Variants in CNOT1 observed in about 807,000 individuals in gnomAD.
The protein encoded by CNOT1 is CCR4-NOT transcription complex subunit 1, also known as CCR4-associated factor 1.
CNOT1 carries 15 observed loss-of-function variants against 273.8 expected under a neutral mutation model. The observed-to-expected ratio is 0.05, with a 90% CI of 0.04 to 0.08. The LOEUF is 0.08. Among genes scored for constraint, CNOT1 ranks in the 10% least tolerant of loss-of-function variants. The probability of loss-of-function intolerance (pLI) is 1.00; values close to 1 mark genes in which losing one functional copy is unlikely to be tolerated. For missense variants in CNOT1, 1,644 were observed against 2,912.2 expected (o/e 0.56, Z 10.02); for synonymous variants, 1,022 against 1,005.5 (o/e 1.02, Z -0.31).
At chr16:58,592,154 A>G (rs1393561974) in intron 2 of CNOT1, among the ~76,000 whole-genome samples, 1 of 152,194 alleles carries the variant, frequency 6.6e-6, no homozygotes, top group Admixed American at 6.5e-5. Flanking sequence ...TTTAAGCAAA[A>G]AAGTGTAGGG....
intron 6 of CNOT1, 124 bp downstream of exon 6, chr16:58,587,077 A>T (rs1258079843): frequency 1.5e-6 from 2 of 1,328,966 alleles, no homozygotes; most frequent in Non-Finnish European, 2.0e-6. Context: ...GTTTTTTACC[A>T]CAGATAAAGA....
At chr16:58,544,672 C>G (rs895352814) in intron 30 of CNOT1, among the ~76,000 whole-genome samples, 1 of 152,134 alleles carries the variant, frequency 6.6e-6, no homozygotes, top group Non-Finnish European at 1.5e-5. Context: ...ATTAATGTTA[C>G]TCTTGTATTT....
chr16:58,555,767 T>A lies in CNOT1; in HGVS notation c.2604+17A>T. 1.2e-6 allele frequency: 2 copies of A among 1,613,040 alleles called. No individual in the cohort carries two copies. Among genetic ancestry groups the A allele is most frequent in the Non-Finnish European group, 1.7e-6 (2 of 1,179,856 alleles). ...CTGGCCTAAACAATAAATAAGTAGA[T>A]CATCCTAGACACTCACCTCATCAAC... On this transcript the variant is annotated intron_variant, in intron 20 of 48. Coordinates refer to ENST00000317147, the MANE Select transcript of CNOT1 (RefSeq NM_016284.5).
chr16:58,533,749 T>C (rs1184389156), intron 40 of CNOT1, among the ~76,000 whole-genome samples: 2 of 152,216 alleles, frequency 1.3e-5, no homozygotes, highest in African/African-American at 4.8e-5. Flanking sequence ...GGTGTGAACC[T>C]AGGAGGCGGA....
chr16:58,590,656 T>A lies in CNOT1; in HGVS notation c.103-1750A>T, dbSNP rs150802298. Among the ~76,000 whole-genome samples the A allele has an allele frequency of 2.6e-5, 4 of 151,880 alleles. No homozygotes were observed. In the East Asian group the frequency reaches 7.7e-4, roughly 29 times the overall value. ...GGCTTACACCTGTAATCCAAACACCTTGGGAGGCTGAGGCAGGAGGATCAC... is the reference window on the plus strand; with the variant it reads ...GGCTTACACCTGTAATCCAAACACCATGGGAGGCTGAGGCAGGAGGATCAC... On this transcript the variant is annotated intron_variant, in intron 2 of 48. Transcript: ENST00000317147.
chr16:58,542,674 C>A, intron 31 of CNOT1, 106 bp from the exon 32 acceptor site: 1 of 1,470,272 alleles, frequency 6.8e-7, no homozygotes, highest in South Asian at 1.4e-5. Flanking sequence ...TTGGCAAATG[C>A]ATTTTAAGTT....
chr16:58,526,025 T>A lies in CNOT1; in HGVS notation c.6567A>T (p.Pro2189=). 1.2e-6 allele frequency: 2 copies of A among 1,614,136 alleles called. No individual in the cohort carries two copies. Among genetic ancestry groups the A allele is most frequent in the Non-Finnish European group, 1.7e-6 (2 of 1,180,002 alleles). The change falls in exon 45 of 49, where the codon CCA becomes CCT. Residue 2189 remains proline (P), a synonymous_variant. Transcript: ENST00000317147. The part of the protein sequence containing the change: ...DLDSYLKTRS[P]VTFLSDLRSN... ...TGCGCAGATCAGACAGGAAAGTGAC[T>A]GGTGATCGAGTTTTAAGATAGGAAT...
chr16:58,562,103 G>A (rs1255684274), intron 16 of CNOT1, among the ~76,000 whole-genome samples: 2 of 151,954 alleles, frequency 1.3e-5, no homozygotes, highest in African/African-American at 4.8e-5. Context: ...AGGAGGCTGA[G>A]GCAGGAGAAT....
rs1483951307 is a variant in CNOT1 at position 58,520,485 on chromosome 16, T to G, written c.*473A>C. 6.2e-6 allele frequency: 1 copy of G among 160,872 alleles called. No individual in the cohort carries two copies. The highest frequency in any genetic ancestry group is 1.4e-5 in the Non-Finnish European group (1 of 72,312). 10.0% of individuals were successfully genotyped at this position (160,872 alleles called of 1,614,324 possible). ...CCACATTTTTAATAACTTAGTGATT[T>G]TCAAGGTCCCCTGTCCACATTAAAA... On this transcript the variant is annotated 3_prime_UTR_variant, in exon 49 of 49. Transcript: ENST00000317147.
At position 58,611,833 on chromosome 16, in the gene CNOT1, A is replaced by G. The variant is rs1016694276; in HGVS notation, c.-174-12322T>C. ...GAGACTCTGTCTCAAAAAAAAAAAA[A>G]AAAGAAATATTTAAGAAAAGGATAC... On this transcript the variant is annotated intron_variant, in intron 1 of 48. Coordinates refer to ENST00000317147, the MANE Select transcript of CNOT1 (RefSeq NM_016284.5). Among the ~76,000 whole-genome samples, 354 of 150,710 alleles carry G rather than the reference A, an allele frequency of 2.3e-3. 1 individual carries two copies. Among genetic ancestry groups the G allele is most frequent in the South Asian group, 8.7e-3 (41 of 4,698 alleles).
At chr16:58,590,058 G>A (rs2042002555) in intron 2 of CNOT1, among the ~76,000 whole-genome samples, 1 of 152,138 alleles carries the variant, frequency 6.6e-6, no homozygotes, top group Non-Finnish European at 1.5e-5. Context: ...GTATAGCTGT[G>A]TTCACTTCTG....
intron 4 of CNOT1, 28 bp from the exon 5 acceptor site, chr16:58,587,441 A>G (rs1319009933): frequency 1.2e-6 from 2 of 1,610,638 alleles, no homozygotes; most frequent in Non-Finnish European, 1.7e-6. Flanking sequence ...TTAGTTTAAA[A>G]TAAGAACTTA....
At chr16:58,521,087 A>G in intron 48 of CNOT1, 51 bp from the exon 49 acceptor site, 1 of 1,613,648 alleles carries the variant, frequency 6.2e-7, no homozygotes, top group Non-Finnish European at 8.5e-7. Context: ...AGGCCTAACA[A>G]TACCTTGCAT....
At position 58,560,329 on chromosome 16, in the gene CNOT1, G is replaced by A. The variant is rs1481833731; in HGVS notation, c.2013C>T (p.Leu671=). ...CATTACTGCAATTGGCTACCATGGT[G>A]AGGATAGTTTCTGATAGCTCCTGAG... ...SVSQELSETI[L]TMVANCSNVM... Residue 671 remains leucine (L), a synonymous_variant, in exon 17 of 49, where the codon CTC becomes CTT. Transcript: ENST00000317147. 1 of 1,614,162 alleles carries A rather than the reference G, an allele frequency of 6.2e-7. No homozygotes were observed. Among genetic ancestry groups the A allele is most frequent in the East Asian group, 2.2e-5 (1 of 44,882 alleles).
intron 1 of CNOT1, among the ~76,000 whole-genome samples, chr16:58,610,194 A>G (rs182344457): frequency 5.3e-5 from 8 of 152,300 alleles, no homozygotes; most frequent in African/African-American, 1.9e-4. Flanking sequence ...GAGGTGGGTG[A>G]ATCACTTGAA....
At chr16:58,628,336 T>C (rs753967350) in intron 1 of CNOT1, among the ~76,000 whole-genome samples, 1 of 152,192 alleles carries the variant, frequency 6.6e-6, no homozygotes, top group Non-Finnish European at 1.5e-5. Context: ...TTACCACATG[T>C]CTTCTTAATA....
intron 19 of CNOT1, among the ~76,000 whole-genome samples, chr16:58,556,187 T>TAA (rs1476819386): frequency 6.6e-6 from 1 of 152,248 alleles, no homozygotes; most frequent in Non-Finnish European, 1.5e-5. Context: ...CACTTACCCT[T>TAA]AATACAACCT....
At chr16:58,618,715 A>G (rs1719501550) in intron 1 of CNOT1, among the ~76,000 whole-genome samples, 1 of 151,622 alleles carries the variant, frequency 6.6e-6, no homozygotes, top group Admixed American at 6.6e-5. Context: ...GGGTGTTCAC[A>G]TGCATGCGTG....
rs2039340572 is a variant in CNOT1, at chr16:58,520,761, G to A, written c.*197C>T. The A allele has an allele frequency of 5.1e-6, 3 of 588,020 alleles. No individual in the cohort carries two copies. Among genetic ancestry groups the A allele is most frequent in the Non-Finnish European group, 6.0e-6 (2 of 333,730 alleles). 36.4% of individuals were successfully genotyped at this position (588,020 alleles called of 1,614,324 possible). ...ACAGCATCTTCTAAATTTTGGCCAA[G>A]AGTCAAAAAAATGCATTTAAACTTT... On this transcript the variant is annotated 3_prime_UTR_variant, in exon 49 of 49. Transcript: ENST00000317147.
Sources: gnomAD v4.1 joint callset for allele counts (sites outside exome capture counted in the v4.1 genomes callset) on GRCh38, gnomAD v4.1.1 for gene constraint, MANE v1.5 for transcripts, NCBI Gene and HGNC (gene_info 2026-07-23, HGNC 2026-07-21) for gene names.